TAFA4: variants seen among roughly 807,000 people sequenced by gnomAD.
TAFA4 encodes TAFA chemokine like family member 4, also known as chemokine-like protein TAFA-4.
A neutral mutation model predicts 21.1 loss-of-function variants in TAFA4; 20 were observed. The ratio of observed to expected loss-of-function variants is 0.95; its 90% confidence interval spans 0.67 to 1.38. The LOEUF is 1.38. Among genes scored for constraint, TAFA4 ranks in the 40% most tolerant of loss-of-function variants. The pLI, the probability that TAFA4 is intolerant of heterozygous loss-of-function variation, is 0.00. For missense variants in TAFA4, 211 were observed against 180.9 expected (o/e 1.17, Z -0.95); for synonymous variants, 71 against 67.4 (o/e 1.05, Z -0.26).
intron 3 of TAFA4, among the ~76,000 whole-genome samples, chr3:68,838,670 T>G (rs1704580662): frequency 6.6e-6 from 1 of 152,208 alleles, no homozygotes; most frequent in South Asian, 2.1e-4. Context: ...TTGTTAACCC[T>G]TTAAAAATGT....
chr3:68,762,204 T>TAA (rs11378334), intron 3 of TAFA4, among the ~76,000 whole-genome samples: 6,271 of 147,132 alleles, frequency 0.043, 328 homozygotes, highest in East Asian at 0.23. Context: ...GGCCTTAATT[T>TAA]AAAAAAAAAA....
intron 3 of TAFA4, among the ~76,000 whole-genome samples, chr3:68,759,336 T>G (rs777231067): frequency 3.9e-5 from 6 of 152,204 alleles, no homozygotes; most frequent in Non-Finnish European, 8.8e-5. Flanking sequence ...ACCAAGTATC[T>G]GGGTACCTCA....
At chr3:68,909,761 G>A (rs1428074242) in intron 1 of TAFA4, among the ~76,000 whole-genome samples, 1 of 152,170 alleles carries the variant, frequency 6.6e-6, no homozygotes, top group Non-Finnish European at 1.5e-5. Flanking sequence ...CTGCATAATG[G>A]ATTATATGCA....
intron 3 of TAFA4, among the ~76,000 whole-genome samples, chr3:68,813,964 C>G (rs1339452372): frequency 6.6e-6 from 1 of 152,192 alleles, no homozygotes; most frequent in Non-Finnish European, 1.5e-5. Flanking sequence ...AAACCTTATC[C>G]ACCATGATCA....
At position 68,884,597 on chromosome 3, in the gene TAFA4, T is replaced by G. The variant is rs190491983; in HGVS notation, c.14+578A>C. 6.6e-5 allele frequency among the ~76,000 whole-genome samples: 10 copies of G among 152,286 alleles called. 1 individual carries two copies. The highest frequency in any genetic ancestry group is 5.9e-4 in the Admixed American group (9 of 15,292). Reference sequence around the variant, plus strand: ...GAATTCACTTCCCACTGGACAAAAATGGAAGTTGGAGATAATTCATTCCCA... The same window carrying G: ...GAATTCACTTCCCACTGGACAAAAAGGGAAGTTGGAGATAATTCATTCCCA... On this transcript the variant is annotated intron_variant, in intron 2 of 5. Coordinates refer to ENST00000295569, the MANE Select transcript of TAFA4 (RefSeq NM_182522.5).
chr3:68,915,816 T>A (rs1355340780), intron 1 of TAFA4, among the ~76,000 whole-genome samples: 1 of 152,190 alleles, frequency 6.6e-6, no homozygotes, highest in Non-Finnish European at 1.5e-5. Context: ...GAATTAATAA[T>A]CATACCCAGC....
Position 68,841,038 on chromosome 3 carries a change from G to C in TAFA4, c.130+39692C>G, listed in dbSNP as rs551266022. ...CATCTTTCCTCTACAAGGCTAAATA[G>C]AAGGTGATATTAAAGAATAAAATCC... is the stretch of plus-strand genomic sequence containing the variant. On this transcript the variant is annotated intron_variant, in intron 3 of 5. Coordinates refer to ENST00000295569, the MANE Select transcript of TAFA4 (RefSeq NM_182522.5). Among the ~76,000 whole-genome samples the C allele has an allele frequency of 2.0e-5, 3 of 152,288 alleles. No homozygotes were observed. In the South Asian group the frequency reaches 6.2e-4, roughly 32 times the overall value.
intron 3 of TAFA4, among the ~76,000 whole-genome samples, chr3:68,828,720 T>G (rs947691902): frequency 6.6e-6 from 1 of 152,224 alleles, no homozygotes; most frequent in African/African-American, 2.4e-5. Context: ...TTTTTGCACA[T>G]TGATTTTGTA....
At chr3:68,858,037 C>T (rs542753066) in intron 3 of TAFA4, among the ~76,000 whole-genome samples, 1 of 152,212 alleles carries the variant, frequency 6.6e-6, no homozygotes, top group East Asian at 1.9e-4. Context: ...AGTGGCCCTG[C>T]TTTTCCTCCC....
rs187446296 is a variant in TAFA4, at chr3:68,909,546, C to A, written c.-123+22694G>T. ...CCTCAAAAGACTATGAATTCCCCGC[C>A]TCCCCAATCTGGAGGAGCCCCAAGG... On this transcript the variant is annotated intron_variant, in intron 1 of 5. Transcript: ENST00000295569. Among the ~76,000 whole-genome samples, 606 of 152,284 alleles carry A rather than the reference C, an allele frequency of 4.0e-3. 4 individuals are homozygous for A. The highest frequency in any genetic ancestry group is 6.6e-3 in the Non-Finnish European group (451 of 68,008).
At chr3:68,748,639 G>C (rs1702505510) in intron 4 of TAFA4, among the ~76,000 whole-genome samples, 1 of 151,936 alleles carries the variant, frequency 6.6e-6, no homozygotes, top group African/African-American at 2.4e-5. Context: ...AGCTACTCGG[G>C]AGACTGAGAC....
chr3:68,801,560 A>T (rs1331602635), intron 3 of TAFA4, among the ~76,000 whole-genome samples: 1 of 152,208 alleles, frequency 6.6e-6, no homozygotes, highest in Non-Finnish European at 1.5e-5. Flanking sequence ...CACAACATGA[A>T]TGTCACCCAG....
At chr3:68,931,512 A>C (rs2090157467) in intron 1 of TAFA4, among the ~76,000 whole-genome samples, 1 of 152,156 alleles carries the variant, frequency 6.6e-6, no homozygotes, top group African/African-American at 2.4e-5. Context: ...TCCTCTCCCG[A>C]GCTCCTTGCG....
intron 3 of TAFA4, among the ~76,000 whole-genome samples, chr3:68,810,369 C>G (rs922286768): frequency 2.6e-5 from 4 of 152,134 alleles, no homozygotes; most frequent in African/African-American, 9.7e-5. Context: ...CGAAGCAGGG[C>G]AAGACATCAC....
chr3:68,753,522 G>C (rs961076691), intron 3 of TAFA4, among the ~76,000 whole-genome samples: 2 of 152,026 alleles, frequency 1.3e-5, no homozygotes, highest in African/African-American at 4.8e-5. Context: ...TTTTAGTAGA[G>C]ACAGGGTTTC....
chr3:68,784,283 G>A (rs141086316), intron 3 of TAFA4, among the ~76,000 whole-genome samples: 329 of 152,322 alleles, frequency 2.2e-3, no homozygotes, highest in African/African-American at 7.7e-3. Context: ...TAGTGTGTCC[G>A]GAATTGGTGG....
In TAFA4 at chr3:68,897,180, G is replaced by C. The variant is rs543659805; in HGVS notation, c.-122-11870C>G. Among the ~76,000 whole-genome samples, 11 of 152,262 alleles carry C rather than the reference G, an allele frequency of 7.2e-5. No homozygotes were observed. In the East Asian group the frequency reaches 1.9e-3, roughly 27 times the overall value. ...ACCTCCCAAAGTGCTGGGATTACAG[G>C]TGTGAGCCACCACGCCTGGCCTAAT... is the stretch of plus-strand genomic sequence containing the variant. On this transcript the variant is annotated intron_variant, in intron 1 of 5. Coordinates refer to ENST00000295569, the MANE Select transcript of TAFA4 (RefSeq NM_182522.5).
chr3:68,777,919 G>C (rs756834046), intron 3 of TAFA4, among the ~76,000 whole-genome samples: 1 of 152,092 alleles, frequency 6.6e-6, no homozygotes, highest in Non-Finnish European at 1.5e-5. Flanking sequence ...GTGTGTAGTA[G>C]TCAATAACAT....
intron 3 of TAFA4, among the ~76,000 whole-genome samples, chr3:68,766,282 A>T (rs1380535155): frequency 2.0e-5 from 3 of 152,156 alleles, no homozygotes; most frequent in African/African-American, 7.2e-5. Flanking sequence ...ATAAACACAC[A>T]TATATAATCT....
Sources: gnomAD v4.1 joint callset for allele counts (sites outside exome capture counted in the v4.1 genomes callset) on GRCh38, gnomAD v4.1.1 for gene constraint, MANE v1.5 for transcripts, NCBI Gene and HGNC (gene_info 2026-07-23, HGNC 2026-07-21) for gene names.